RASGRP2: variants seen among roughly 807,000 people sequenced by gnomAD.
RASGRP2 encodes RAS guanyl releasing protein 2.
A neutral mutation model predicts 71.0 loss-of-function variants in RASGRP2; 44 were observed. That is an observed-to-expected ratio of 0.62 (90% CI 0.49 to 0.80). The LOEUF (loss-of-function observed/expected upper bound fraction) is 0.80. Ranked by LOEUF, RASGRP2 falls within the 30% of genes least tolerant of loss-of-function variation. RASGRP2 has a pLI of 0.00. For synonymous variants in RASGRP2, 350 were observed against 330.7 expected, an observed-to-expected ratio of 1.06 and a Z score of -0.63; for missense variants, 663 against 813.4, an observed-to-expected ratio of 0.82 and a Z score of 2.25.
intron 12 of RASGRP2, 117 bp downstream of exon 12, chr11:64,734,995 C>T (rs2057883415): frequency 1.2e-6 from 1 of 850,722 alleles, no homozygotes; most frequent in African/African-American, 1.7e-5. Context: ...ACACTGGCAG[C>T]TTCCCAGGCC....
intron 12 of RASGRP2, among the ~76,000 whole-genome samples, chr11:64,734,595 G>C (rs1004881139): frequency 4.6e-5 from 7 of 152,128 alleles, no homozygotes; most frequent in Non-Finnish European, 1.0e-4. Flanking sequence ...AAATCGACCT[G>C]AGATGGACTT....
intron 5 of RASGRP2, 43 bp downstream of exon 5, chr11:64,740,902 TAGG>T: frequency 6.2e-7 from 1 of 1,608,396 alleles, no homozygotes. Flanking sequence ...ACAGATGGTA[TAGG>T]ATACTGAGTG....
intron 12 of RASGRP2, 103 bp from the exon 13 acceptor site, chr11:64,730,297 A>G: frequency 7.0e-7 from 1 of 1,433,024 alleles, no homozygotes; most frequent in Non-Finnish European, 9.6e-7. Flanking sequence ...GGAACTCCTG[A>G]TTTTGGACTC....
At chr11:64,737,664 G>GC (rs2057986270) in intron 8 of RASGRP2, among the ~76,000 whole-genome samples, 1 of 114,184 alleles carries the variant, frequency 8.8e-6, no homozygotes, top group Admixed American at 1.1e-4. Context: ...TGGCGACAGA[G>GC]CAAGACTCCA....
At position 64,739,221 on chromosome 11, in the gene RASGRP2, G is replaced by A; in HGVS notation, c.813+139C>T. 2 of 724,856 alleles carry A rather than the reference G, an allele frequency of 2.8e-6. No individual in the cohort carries two copies. Among genetic ancestry groups the A allele is most frequent in the South Asian group, 3.0e-5 (2 of 66,008 alleles). The allele number at this position is 724,856 out of a possible 1,614,324, so 44.9% of individuals were successfully genotyped here. A position where few individuals can be genotyped will look rare whatever the true frequency, so the allele number is the denominator to read the frequency against. On this transcript the variant is annotated intron_variant, in intron 8 of 16. Transcript: ENST00000394432. This position sits in a 1 kb window ranked among gnomAD's most constrained non-coding sequence, Gnocchi z 4.2. ...CTCTGCTGTTGCCATTGTGCAAACT[G>A]AGAAAAGCACTTAACCCCTCTGAGC...
intron 8 of RASGRP2, among the ~76,000 whole-genome samples, chr11:64,737,936 C>CATAA (rs2058000065): frequency 6.6e-6 from 1 of 151,802 alleles, no homozygotes; most frequent in African/African-American, 2.4e-5. Context: ...ATCCCAGCTA[C>CATAA]TCAGGAGGCT....
At chr11:64,729,583 C>T (rs940895723) in intron 14 of RASGRP2, among the ~76,000 whole-genome samples, 179 bp downstream of exon 14, 7 of 152,208 alleles carry the variant, frequency 4.6e-5, no homozygotes, top group African/African-American at 1.7e-4. Context: ...GTGATCTGCG[C>T]GCCTCGGCCT....
chr11:64,729,171 T>C, intron 14 of RASGRP2, 129 bp from the exon 15 acceptor site: 2 of 937,996 alleles, frequency 2.1e-6, no homozygotes, highest in Non-Finnish European at 3.3e-6. Context: ...AATAAGAGTC[T>C]CCTTCCAAAG....
rs2058175215 is a variant in RASGRP2 at position 64,742,786 on chromosome 11, C to T, written c.73+8G>A. On this transcript the variant is annotated splice_region_variant and intron_variant, in intron 2 of 16. Coordinates refer to ENST00000394432, the MANE Select transcript of RASGRP2 (RefSeq NM_001098671.2). This position sits in a 1 kb window ranked among gnomAD's most constrained non-coding sequence, Gnocchi z 4.7. ...CTCAGGCTCCGTGTGCCCTCCCGAG[C>T]CACTCACCGAAGGCTTCGATGCACC... 1 of 1,604,356 alleles carries T rather than the reference C, an allele frequency of 6.2e-7. No homozygotes were observed. The highest frequency in any genetic ancestry group is 8.5e-7 in the Non-Finnish European group (1 of 1,176,340).
intron 12 of RASGRP2, among the ~76,000 whole-genome samples, chr11:64,731,518 TGACA>T (rs1565502362): frequency 6.6e-6 from 1 of 151,898 alleles, no homozygotes; most frequent in African/African-American, 2.4e-5. Context: ...ACAACATAAA[TGACA>T]GACAGGGAGA....
At position 64,740,979 on chromosome 11, in the gene RASGRP2, G is replaced by T. The variant is rs535901850; in HGVS notation, c.340C>A (p.Arg114=). 1.2e-6 allele frequency: 2 copies of T among 1,613,636 alleles called. No individual in the cohort carries two copies. Among genetic ancestry groups the T allele is most frequent in the African/African-American group, 1.3e-5 (1 of 74,772 alleles). The change falls in exon 5 of 17, where the codon CGG becomes AGG. Residue 114 remains arginine, a synonymous_variant. Coordinates refer to ENST00000394432, the MANE Select transcript of RASGRP2 (RefSeq NM_001098671.2). The part of the protein sequence containing the change: ...KALLDQEGNR[R]HSSLIDIDSV... ...TCTATGTCGATTAGGCTGCTGTGCCGTCGGTTCCCTTCTTGGTCTAGCAGA... is the reference window on the plus strand; with the variant it reads ...TCTATGTCGATTAGGCTGCTGTGCCTTCGGTTCCCTTCTTGGTCTAGCAGA...
intron 4 of RASGRP2, 134 bp downstream of exon 4, chr11:64,741,305 A>G: frequency 8.8e-7 from 1 of 1,132,220 alleles, no homozygotes; most frequent in Non-Finnish European, 1.3e-6. Flanking sequence ...AGCCTGTGGC[A>G]GCACTGCCCA....
intron 15 of RASGRP2, 151 bp from the exon 16 acceptor site, chr11:64,727,511 T>C: frequency 5.6e-6 from 2 of 354,350 alleles, no homozygotes; most frequent in Non-Finnish European, 9.9e-6. Flanking sequence ...GCCCAATTTT[T>C]TTTTTTTTTT....
chr11:64,741,922 A>G, intron 3 of RASGRP2, 88 bp downstream of exon 3: 4 of 1,123,230 alleles, frequency 3.6e-6, no homozygotes, highest in Admixed American at 3.9e-5. Context: ...TATACTTAGG[A>G]GCGAGGCTCA....
chr11:64,741,315 AC>A, intron 4 of RASGRP2, 123 bp downstream of exon 4: 1 of 1,205,274 alleles, frequency 8.3e-7, no homozygotes. Flanking sequence ...AGCACTGCCC[AC>A]CCGGACAAGC....
chr11:64,743,036 CA>C lies in RASGRP2; in HGVS notation c.-71-100del. 1 of 1,339,812 alleles carries C rather than the reference CA, an allele frequency of 7.5e-7. No individual in the cohort carries two copies. The highest frequency in any genetic ancestry group is 1.0e-6 in the Non-Finnish European group (1 of 972,560). 83.0% of individuals were successfully genotyped at this position (1,339,812 alleles called of 1,614,324 possible). A position where few individuals can be genotyped will look rare whatever the true frequency, so the allele number is the denominator to read the frequency against. On this transcript the variant is annotated intron_variant, in intron 1 of 16. Coordinates refer to ENST00000394432, the MANE Select transcript of RASGRP2 (RefSeq NM_001098671.2). This position sits in a 1 kb window ranked among gnomAD's most constrained non-coding sequence, Gnocchi z 4.9. ...CGGGGCGGGCACGCCCCCTGCTGGA[CA>C]GGGGCGGAGTTGTCCCCCGCGGCCA...
At position 64,727,374 on chromosome 11, in the gene RASGRP2, G is replaced by A. The variant is rs754667939; in HGVS notation, c.1772-14C>T. 1 of 1,613,616 alleles carries A rather than the reference G, an allele frequency of 6.2e-7. No individual in the cohort carries two copies. Among genetic ancestry groups the A allele is most frequent in the Non-Finnish European group, 8.5e-7 (1 of 1,179,698 alleles). On this transcript the variant is annotated splice_polypyrimidine_tract_variant and intron_variant, in intron 15 of 16. Transcript: ENST00000394432. Reference sequence around the variant, plus strand: ...CCTCACGGATCTCTGCTGGGAGGGGGATTGCTGCAGAACACACTTCCAGGT... The same window carrying A: ...CCTCACGGATCTCTGCTGGGAGGGGAATTGCTGCAGAACACACTTCCAGGT...
At chr11:64,740,704 G>A (rs557393293) in intron 5 of RASGRP2, 189 of 661,630 alleles carry the variant, frequency 2.9e-4, no homozygotes, top group Admixed American at 5.3e-4. Context: ...GAGCTCAGCC[G>A]ACGGGGAGCC....
chr11:64,741,192 T>C (rs1159791777), intron 4 of RASGRP2, 113 bp from the exon 5 acceptor site: 2 of 1,344,340 alleles, frequency 1.5e-6, no homozygotes, highest in Admixed American at 3.9e-5. Context: ...CAAACTATGG[T>C]TCCAGCTCTT....
Sources: allele counts gnomAD v4.1 joint callset (sites outside exome capture counted in the v4.1 genomes callset), GRCh38; gene constraint gnomAD v4.1.1; non-coding constraint Gnocchi (gnomAD v3.1); transcripts MANE v1.5; gene names NCBI Gene and HGNC (gene_info 2026-07-23, HGNC 2026-07-21).